Variants in GRIK4 observed in about 807,000 individuals in gnomAD.
GRIK4 encodes glutamate receptor ionotropic, kainate 4.
In GRIK4, 40 loss-of-function variants were observed where a neutral mutation model predicts 104.9. The observed-to-expected ratio is 0.38, with a 90% CI of 0.30 to 0.50. GRIK4 has a LOEUF of 0.50. Ranked by LOEUF, GRIK4 falls within the 20% of genes least tolerant of loss-of-function variation. GRIK4 has a pLI of 0.93. For missense variants in GRIK4, 1,047 were observed against 1,308.1 expected, an observed-to-expected ratio of 0.80 and a Z score of 3.08; for synonymous variants, 485 against 524.9, an observed-to-expected ratio of 0.92 and a Z score of 1.04.
chr11:120,660,202 TG>T, intron 2 of GRIK4, 66 bp from the exon 3 acceptor site: 3 of 717,532 alleles, frequency 4.2e-6, no homozygotes, highest in Non-Finnish European at 7.4e-6. Context: ...TGGGTGTCAC[TG>T]GGATGGTGGG....
intron 6 of GRIK4, among the ~76,000 whole-genome samples, chr11:120,823,424 A>G (rs530009741): frequency 2.0e-5 from 3 of 152,324 alleles, no homozygotes; most frequent in South Asian, 4.1e-4. Context: ...ATGGCAAAGC[A>G]CTTTCACTTA....
chr11:120,984,856 T>C (rs1423504082), intron 20 of GRIK4, among the ~76,000 whole-genome samples: 3 of 146,540 alleles, frequency 2.0e-5, no homozygotes, highest in Non-Finnish European at 4.5e-5. Flanking sequence ...AGAGTCTCAG[T>C]CTGTCGCCCA....
intron 1 of GRIK4, among the ~76,000 whole-genome samples, chr11:120,640,672 A>G (rs1189323396): frequency 1.3e-5 from 2 of 151,810 alleles, no homozygotes; most frequent in African/African-American, 4.8e-5. Context: ...CCTTCTTTAC[A>G]TGTTGTGCAT....
At chr11:120,608,239 C>G (rs1948986303) in intron 1 of GRIK4, among the ~76,000 whole-genome samples, 1 of 152,216 alleles carries the variant, frequency 6.6e-6, no homozygotes, top group Non-Finnish European at 1.5e-5. Context: ...GGGAGTGCAG[C>G]AGTGAGCTTA....
chr11:120,559,585 C>T (rs1157081327), intron 1 of GRIK4, among the ~76,000 whole-genome samples: 1 of 152,148 alleles, frequency 6.6e-6, no homozygotes, highest in Non-Finnish European at 1.5e-5. Context: ...GCAGGCCTTC[C>T]AAAACAACAT....
At chr11:120,759,220 G>A (rs1445533374) in intron 3 of GRIK4, among the ~76,000 whole-genome samples, 5 of 152,192 alleles carry the variant, frequency 3.3e-5, no homozygotes, top group Admixed American at 6.5e-5. Context: ...TGTGCAAATG[G>A]TCAGGGTCAG....
At chr11:120,680,710 C>A (rs10790395) in intron 3 of GRIK4, among the ~76,000 whole-genome samples, 69,714 of 152,018 alleles carry the variant, frequency 0.46, 16,362 homozygotes, top group East Asian at 0.55. Flanking sequence ...CAGGGACTAA[C>A]TGAGCTAAGT....
chr11:120,516,917 G>T (rs572573654), intron 1 of GRIK4, among the ~76,000 whole-genome samples: 1 of 151,912 alleles, frequency 6.6e-6, no homozygotes, highest in African/African-American at 2.4e-5. Context: ...CCTGGGCGGC[G>T]GCTGCTGCGT....
intron 3 of GRIK4, among the ~76,000 whole-genome samples, chr11:120,719,724 A>C (rs898457418): frequency 6.6e-6 from 1 of 152,236 alleles, no homozygotes; most frequent in East Asian, 1.9e-4. Flanking sequence ...AAATAGTTAC[A>C]TAAGCTTCTC....
At chr11:120,596,696 G>T (rs1735557231) in intron 1 of GRIK4, among the ~76,000 whole-genome samples, 2 of 151,846 alleles carry the variant, frequency 1.3e-5, no homozygotes, top group Admixed American at 1.3e-4. Context: ...AGGGCAGAGG[G>T]TCTGAGAAGG....
intron 1 of GRIK4, among the ~76,000 whole-genome samples, chr11:120,518,963 G>A (rs1331062805): frequency 2.6e-5 from 4 of 152,162 alleles, no homozygotes; most frequent in South Asian, 2.1e-4. Flanking sequence ...CTGCAGGAGC[G>A]AAAGTGCTGG....
Position 120,985,819 on chromosome 11 carries a change from C to T in GRIK4, c.2515-85C>T, listed in dbSNP as rs184028100. 4 of 1,240,036 alleles carry T rather than the reference C, an allele frequency of 3.2e-6. No individual in the cohort carries two copies. The African/African-American group carries it at 4.5e-5, about 14-fold the overall frequency. The allele number at this position is 1,240,036 out of a possible 1,614,324, so 76.8% of individuals were successfully genotyped here. On this transcript the variant is annotated intron_variant, in intron 20 of 20. Coordinates refer to ENST00000527524, the MANE Select transcript of GRIK4 (RefSeq NM_014619.5). ...TGACACGATTCTGTGACCGCTGCCCCCTTCATCCCTCATCCCAGCGGACTC... is the reference window on the plus strand; with the variant it reads ...TGACACGATTCTGTGACCGCTGCCCTCTTCATCCCTCATCCCAGCGGACTC...
chr11:120,516,567 C>T (rs1947727227), intron 1 of GRIK4, among the ~76,000 whole-genome samples: 1 of 152,016 alleles, frequency 6.6e-6, no homozygotes, highest in Admixed American at 6.6e-5. Flanking sequence ...GTCAGTGCAG[C>T]AGGCTCGGGG....
At chr11:120,962,429 T>G (rs1336403577) in intron 17 of GRIK4, 27 bp from the exon 18 acceptor site, 2 of 1,526,870 alleles carry the variant, frequency 1.3e-6, no homozygotes, top group Non-Finnish European at 1.8e-6. Context: ...CTTTTCCCAA[T>G]CCTGCTTCCT....
At chr11:120,760,524 GC>G (rs1360017382) in intron 3 of GRIK4, among the ~76,000 whole-genome samples, 1 of 151,592 alleles carries the variant, frequency 6.6e-6, no homozygotes, top group Non-Finnish European at 1.5e-5. Context: ...GTATACATGT[GC>G]CATGGTGGTT....
intron 8 of GRIK4, among the ~76,000 whole-genome samples, chr11:120,848,485 G>A (rs960723503): frequency 2.8e-4 from 43 of 152,256 alleles, no homozygotes; most frequent in African/African-American, 9.6e-4. Context: ...AGAGGAAAAA[G>A]TGGTATCAGA....
intron 1 of GRIK4, among the ~76,000 whole-genome samples, chr11:120,545,913 CAG>C (rs1948081381): frequency 6.6e-6 from 1 of 152,218 alleles, no homozygotes; most frequent in African/African-American, 2.4e-5. Flanking sequence ...TGTTTTCAGA[CAG>C]AGCCAAGGGT....
Position 120,923,379 on chromosome 11 carries a change from C to T in GRIK4, c.1477-16968C>T, listed in dbSNP as rs561029578. Among the ~76,000 whole-genome samples the T allele has an allele frequency of 1.5e-4, 22 of 151,028 alleles. No homozygotes were observed. In the South Asian group the frequency reaches 4.4e-3, roughly 30 times the overall value. On this transcript the variant is annotated intron_variant, in intron 13 of 20. Coordinates refer to ENST00000527524, the MANE Select transcript of GRIK4 (RefSeq NM_014619.5). ...ACGAACACTTACTGAGCACTTGCCCCATGCTAGGCCCGATCCATTTGCTCA... is the reference window on the plus strand; with the variant it reads ...ACGAACACTTACTGAGCACTTGCCCTATGCTAGGCCCGATCCATTTGCTCA...
At chr11:120,658,873 C>T (rs1396125444) in intron 2 of GRIK4, among the ~76,000 whole-genome samples, 8 of 151,060 alleles carry the variant, frequency 5.3e-5, no homozygotes, top group Non-Finnish European at 1.0e-4. Context: ...CTCAGCCTCC[C>T]GAGCAGCTGG....
Sources: allele counts gnomAD v4.1 joint callset (sites outside exome capture counted in the v4.1 genomes callset), GRCh38; gene constraint gnomAD v4.1.1; transcripts MANE v1.5; gene names NCBI Gene and HGNC (gene_info 2026-07-23, HGNC 2026-07-21).